MATN2: variants seen among roughly 807,000 people sequenced by gnomAD.
The protein encoded by MATN2 is matrilin 2.
MATN2 carries 69 observed loss-of-function variants against 103.2 expected under a neutral mutation model. The ratio of observed to expected loss-of-function variants is 0.67; its 90% CI spans 0.55 to 0.82. MATN2 has a LOEUF of 0.82. Among genes scored for constraint, MATN2 ranks in the 40% least tolerant of loss-of-function variants. MATN2 has a pLI of 0.00. For missense variants in MATN2, 1,023 were observed against 1,211.5 expected, an observed-to-expected ratio of 0.84 and a Z score of 2.31; for synonymous variants, 429 against 450.2, an observed-to-expected ratio of 0.95 and a Z score of 0.60.
chr8:97,994,742 C>CT, intron 7 of MATN2, 140 bp downstream of exon 7: 1 of 953,076 alleles, frequency 1.0e-6, no homozygotes, highest in Non-Finnish European at 1.5e-6. Context: ...CTTTATTTTA[C>CT]TTTTTGGCTC....
At chr8:98,002,065 G>A (rs1382925752) in intron 7 of MATN2, among the ~76,000 whole-genome samples, 7 of 152,082 alleles carry the variant, frequency 4.6e-5, no homozygotes, top group Admixed American at 6.6e-5. Flanking sequence ...ACCTTTTCCC[G>A]CAACACCAGT....
At chr8:98,035,271 C>T (rs959044248) in intron 18 of MATN2, among the ~76,000 whole-genome samples, 6 of 151,922 alleles carry the variant, frequency 3.9e-5, no homozygotes, top group Non-Finnish European at 7.4e-5. Flanking sequence ...GCAGGAGAAT[C>T]GCTTGAACCC....
At chr8:97,917,232 A>G (rs1458380454) in intron 2 of MATN2, among the ~76,000 whole-genome samples, 1 of 152,194 alleles carries the variant, frequency 6.6e-6, no homozygotes, top group Non-Finnish European at 1.5e-5. Context: ...TTCTATCTCC[A>G]TGGGCAGATG....
intron 5 of MATN2, among the ~76,000 whole-genome samples, chr8:97,962,963 G>A (rs764113683): frequency 1.3e-5 from 2 of 151,998 alleles, no homozygotes; most frequent in Non-Finnish European, 2.9e-5. Flanking sequence ...GGCGAAACCC[G>A]GTCTCTACTA....
At chr8:97,962,311 T>G (rs1318527268) in intron 5 of MATN2, among the ~76,000 whole-genome samples, 2 of 152,270 alleles carry the variant, frequency 1.3e-5, no homozygotes, top group Non-Finnish European at 2.9e-5. Flanking sequence ...CTGCATTTTG[T>G]CTTCCGTGTT....
chr8:98,010,472 G>A (rs529814357), intron 10 of MATN2, among the ~76,000 whole-genome samples: 117 of 152,218 alleles, frequency 7.7e-4, no homozygotes, highest in Non-Finnish European at 1.5e-3. Context: ...TCTAAACTGA[G>A]AATGGTCGTT....
chr8:97,945,713 A>ATATATAT (rs1296035831), intron 4 of MATN2, among the ~76,000 whole-genome samples: 119 of 69,468 alleles, frequency 1.7e-3, no homozygotes, highest in Middle Eastern at 5.3e-3. Flanking sequence ...TAGAAAAAAA[A>ATATATAT]AAAAATATAT....
rs1278069523 is a variant in MATN2 at position 97,889,474 on chromosome 8, T to TATATATATATATATATATATAC, written c.142+1247_142+1248insTATATACATATATATATATATA. On this transcript the variant is annotated intron_variant, in intron 2 of 18. Coordinates refer to ENST00000254898, the MANE Select transcript of MATN2 (RefSeq NM_002380.5). ...CTCTCTCTGTCTATATATATATATATATATATATATATATAAAACTGATGA... is the reference window on the plus strand; with the variant it reads ...CTCTCTCTGTCTATATATATATATATATATATATATATATATATATACATATATATATATATAAAACTGATGA... Among the ~76,000 whole-genome samples, 8 of 141,794 alleles carry TATATATATATATATATATATAC rather than the reference T, an allele frequency of 5.6e-5. No homozygotes were observed. In the East Asian group the frequency reaches 1.3e-3, roughly 23 times the overall value. 93.0% of individuals were successfully genotyped at this position (141,794 alleles called of 152,430 possible). A position where few individuals can be genotyped will look rare whatever the true frequency, so the allele number is the denominator to read the frequency against.
rs1159768908 is a variant in MATN2 at position 97,941,775 on chromosome 8, A to G, written c.713-2A>G. 1 of 1,585,630 alleles carries G rather than the reference A, an allele frequency of 6.3e-7. No individual in the cohort carries two copies. Among genetic ancestry groups the G allele is most frequent in the East Asian group, 2.3e-5 (1 of 43,712 alleles). On this transcript the variant is annotated splice_acceptor_variant, in intron 3 of 18. Coordinates refer to ENST00000254898, the MANE Select transcript of MATN2 (RefSeq NM_002380.5). LOFTEE classifies it high-confidence loss of function. ...CTTACCTTCCTGTGTCTTCCCTTTC[A>G]GCGGCCCATATGTGCAGCACCCTGG...
chr8:97,993,756 T>C (rs1197734155), intron 6 of MATN2, among the ~76,000 whole-genome samples: 1 of 152,206 alleles, frequency 6.6e-6, no homozygotes. Flanking sequence ...TTGTGTCTTA[T>C]TGTTTGGCTC....
chr8:98,017,726 T>C (rs1396959391), intron 11 of MATN2, among the ~76,000 whole-genome samples: 2 of 152,228 alleles, frequency 1.3e-5, no homozygotes, highest in Non-Finnish European at 2.9e-5. Context: ...AGAAACTATG[T>C]CTACAGAAAG....
intron 10 of MATN2, among the ~76,000 whole-genome samples, chr8:98,008,837 G>A (rs919640680): frequency 5.3e-5 from 8 of 152,258 alleles, no homozygotes; most frequent in East Asian, 1.9e-4. Context: ...TGTCCACCTC[G>A]TTCCTGTAAT....
At chr8:97,984,317 T>A (rs1284549624) in intron 6 of MATN2, among the ~76,000 whole-genome samples, 1 of 152,234 alleles carries the variant, frequency 6.6e-6, no homozygotes, top group African/African-American at 2.4e-5. Flanking sequence ...CTCTTAGAAA[T>A]GAACAAAACA....
intron 4 of MATN2, among the ~76,000 whole-genome samples, chr8:97,956,892 C>T (rs978600970): frequency 1.3e-5 from 2 of 152,226 alleles, no homozygotes; most frequent in African/African-American, 4.8e-5. Context: ...AGGGCCATTC[C>T]TCCTGGGAGG....
chr8:98,016,820 A>G (rs1312679208), intron 11 of MATN2, among the ~76,000 whole-genome samples, 158 bp downstream of exon 11: 37 of 152,228 alleles, frequency 2.4e-4, no homozygotes, highest in Admixed American at 2.4e-3. Context: ...GAAAATGGAC[A>G]TTAGGGAAAA....
In MATN2 at chr8:98,027,441, G is replaced by C. The variant is rs913868688; in HGVS notation, c.1968G>C (p.Leu656=). ...CKKCTEGPID[L]VFVIDGSKSL... ...AATGCACTGAAGGCCCAATTGACCTGGTCTTTGTGATCGATGGATCCAAGA... is the reference window on the plus strand; with the variant it reads ...AATGCACTGAAGGCCCAATTGACCTCGTCTTTGTGATCGATGGATCCAAGA... The change falls in exon 14 of 19, where the codon CTG becomes CTC. Residue 656 remains leucine (L), a synonymous_variant. Coordinates refer to ENST00000254898, the MANE Select transcript of MATN2 (RefSeq NM_002380.5). The C allele has an allele frequency of 1.9e-6, 3 of 1,610,212 alleles. No individual in the cohort carries two copies. The highest frequency in any genetic ancestry group is 3.3e-5 in the Admixed American group (2 of 59,950).
chr8:97,878,585 C>T (rs1206067169), intron 1 of MATN2, among the ~76,000 whole-genome samples: 4 of 151,816 alleles, frequency 2.6e-5, no homozygotes, highest in African/African-American at 7.3e-5. Flanking sequence ...CATGGTCGCT[C>T]ATGCCTATAA....
chr8:98,032,073 A>G (rs892970454), intron 15 of MATN2, 173 bp from the exon 16 acceptor site: 3 of 570,700 alleles, frequency 5.3e-6, no homozygotes, highest in South Asian at 4.4e-5. Flanking sequence ...TAGAGTGGTC[A>G]TAAGTATCAT....
chr8:97,992,035 C>CA (rs1298595846), intron 6 of MATN2, among the ~76,000 whole-genome samples: 1 of 152,154 alleles, frequency 6.6e-6, no homozygotes, highest in African/African-American at 2.4e-5. Context: ...ATAATTAAGT[C>CA]AACTGACAAA....
Sources: gnomAD v4.1 joint callset for allele counts (sites outside exome capture counted in the v4.1 genomes callset) on GRCh38, gnomAD v4.1.1 for gene constraint, MANE v1.5 for transcripts, NCBI Gene and HGNC (gene_info 2026-07-23, HGNC 2026-07-21) for gene names.